The following SYN3 variants were observed in gnomAD, a reference collection of about 807,000 sequenced individuals.
SYN3 encodes the protein synapsin-3.
In SYN3, 35 loss-of-function variants were observed where a neutral mutation model predicts 65.8. That is an observed-to-expected ratio of 0.53 (90% CI 0.41 to 0.70). The LOEUF (loss-of-function observed/expected upper bound fraction) is 0.70, where lower values mean the gene tolerates loss of function less well. Among genes scored for constraint, SYN3 ranks in the 30% least tolerant of loss-of-function variants. SYN3 has a pLI of 0.00. For synonymous variants in SYN3, 270 were observed against 292.9 expected (o/e 0.92, Z 0.80); for missense variants, 680 against 749.0 (o/e 0.91, Z 1.08).
At chr22:32,610,645 CA>C (rs34560115) in intron 6 of SYN3, among the ~76,000 whole-genome samples, 47,688 of 151,970 alleles carry the variant, frequency 0.31, 7,703 homozygotes, top group South Asian at 0.39. Flanking sequence ...TGCAATCACG[CA>C]ATCTTGGCTC....
In SYN3 at chr22:32,721,211, G is replaced by C. The variant is rs376692704; in HGVS notation, c.712-124475C>G. Among the ~76,000 whole-genome samples, 10 of 152,218 alleles carry C rather than the reference G, an allele frequency of 6.6e-5. No homozygotes were observed. The East Asian group carries it at 7.7e-4, about 12-fold the overall frequency. On this transcript the variant is annotated intron_variant, in intron 6 of 13. Transcript: ENST00000358763. ...TTATCTCCTGGGTGGAGCTCCCGGT[G>C]GTGGGCAGGCAGCTGCTGCTGCCAC...
At chr22:32,716,169 T>C (rs1290298198) in intron 6 of SYN3, among the ~76,000 whole-genome samples, 1 of 152,200 alleles carries the variant, frequency 6.6e-6, no homozygotes, top group Admixed American at 6.5e-5. Context: ...GCGTTTTCCC[T>C]GAAGCAGTTG....
chr22:32,564,481 C>T (rs1474953684), intron 7 of SYN3, among the ~76,000 whole-genome samples: 1 of 152,202 alleles, frequency 6.6e-6, no homozygotes, highest in Non-Finnish European at 1.5e-5. Flanking sequence ...CAAGGTCACA[C>T]GGCTAGTAAA....
At chr22:32,766,283 C>A (rs1172544515) in intron 6 of SYN3, among the ~76,000 whole-genome samples, 2 of 152,192 alleles carry the variant, frequency 1.3e-5, no homozygotes, top group East Asian at 3.8e-4. Context: ...TCTTCTTCTA[C>A]TTCTCATGAT....
At chr22:32,513,868 CTA>C (rs1282367868) in intron 13 of SYN3, 44 bp from the exon 14 acceptor site, 1 of 1,610,890 alleles carries the variant, frequency 6.2e-7, no homozygotes, top group Non-Finnish European at 8.5e-7. Flanking sequence ...AAGGCGAAGA[CTA>C]TCAAAGAAAT....
chr22:32,955,979 A>G (rs949137740), intron 3 of SYN3, among the ~76,000 whole-genome samples: 1 of 150,646 alleles, frequency 6.6e-6, no homozygotes, highest in Non-Finnish European at 1.5e-5. Flanking sequence ...TGCTCTTCAG[A>G]TTGCAGATGG....
intron 2 of SYN3, among the ~76,000 whole-genome samples, chr22:32,995,786 C>A (rs966397755): frequency 1.4e-4 from 21 of 152,158 alleles, no homozygotes; most frequent in Admixed American, 1.2e-3. Context: ...CCTCAGCCTC[C>A]CAAGTAGCTG....
At chr22:33,022,339 G>A (rs1027874988) in intron 1 of SYN3, among the ~76,000 whole-genome samples, 9 of 152,184 alleles carry the variant, frequency 5.9e-5, no homozygotes, top group Non-Finnish European at 1.2e-4. Context: ...TGAGAACTCC[G>A]TAGACTGTGT....
chr22:32,859,072 C>A, intron 6 of SYN3: 2 of 1,039,134 alleles, frequency 1.9e-6, no homozygotes, highest in Non-Finnish European at 3.0e-6. Context: ...ACTGATGTGG[C>A]TAGGCTTCCC....
intron 4 of SYN3, among the ~76,000 whole-genome samples, chr22:32,909,709 G>C (rs985005837): frequency 2.9e-5 from 4 of 139,902 alleles, no homozygotes; most frequent in Non-Finnish European, 6.0e-5. Context: ...TGTTGGTTTA[G>C]CATTTCTCAA....
In SYN3 at chr22:32,742,784, C is replaced by T. The variant is rs180831104; in HGVS notation, c.711+122131G>A. On this transcript the variant is annotated intron_variant, in intron 6 of 13. Coordinates refer to ENST00000358763, the MANE Select transcript of SYN3 (RefSeq NM_003490.4). ...AACCAGAAGTCCACGTTATTAACAACTTTCCCCATTGTGCATAGTATGCTT... is the reference window on the plus strand; with the variant it reads ...AACCAGAAGTCCACGTTATTAACAATTTTCCCCATTGTGCATAGTATGCTT... Among the ~76,000 whole-genome samples the T allele has an allele frequency of 2.2e-3, 334 of 152,340 alleles. 1 individual carries two copies. Among genetic ancestry groups the T allele is most frequent in the Middle Eastern group, 6.8e-3 (2 of 294 alleles).
At chr22:32,733,999 T>C (rs2061304553) in intron 6 of SYN3, among the ~76,000 whole-genome samples, 1 of 152,050 alleles carries the variant, frequency 6.6e-6, no homozygotes, top group Admixed American at 6.5e-5. Flanking sequence ...GAGCCAAGAC[T>C]CTAAAGGAGA....
chr22:32,616,467 G>A (rs543274121), intron 6 of SYN3, among the ~76,000 whole-genome samples: 3 of 152,290 alleles, frequency 2.0e-5, no homozygotes, highest in East Asian at 1.9e-4. Context: ...TGTGGCAGTC[G>A]GGCCACAGTA....
At chr22:32,582,568 G>A (rs942633449) in intron 7 of SYN3, among the ~76,000 whole-genome samples, 20 of 151,872 alleles carry the variant, frequency 1.3e-4, no homozygotes, top group Non-Finnish European at 2.9e-4. Flanking sequence ...GGGGGTGGGG[G>A]TGGGTCTCAC....
chr22:33,047,842 T>C (rs1038081578), intron 1 of SYN3, among the ~76,000 whole-genome samples: 43 of 136,774 alleles, frequency 3.1e-4, no homozygotes, highest in Admixed American at 8.7e-4. Flanking sequence ...AGGTTAGACC[T>C]ATTAGTCCCA....
chr22:32,714,577 T>G (rs1303790142), intron 6 of SYN3, among the ~76,000 whole-genome samples: 1 of 152,162 alleles, frequency 6.6e-6, no homozygotes, highest in Non-Finnish European at 1.5e-5. Flanking sequence ...TTTTCTTTTT[T>G]TTTTTTCTTG....
intron 3 of SYN3, among the ~76,000 whole-genome samples, chr22:32,932,665 T>C (rs1376278567): frequency 2.0e-5 from 3 of 152,162 alleles, no homozygotes; most frequent in African/African-American, 4.8e-5. Flanking sequence ...TAAATGAGCT[T>C]TCATGGATTT....
chr22:32,942,685 C>A (rs979625448), intron 3 of SYN3, among the ~76,000 whole-genome samples: 1 of 152,098 alleles, frequency 6.6e-6, no homozygotes, highest in Non-Finnish European at 1.5e-5. Flanking sequence ...CGCAAAGAAG[C>A]TAAAACCTTG....
intron 6 of SYN3, among the ~76,000 whole-genome samples, chr22:32,702,040 G>A (rs541707097): frequency 3.1e-4 from 47 of 152,094 alleles, no homozygotes; most frequent in Non-Finnish European, 4.3e-4. Flanking sequence ...TCAATATTTT[G>A]GTAACACATA....
Sources: allele counts gnomAD v4.1 joint callset (sites outside exome capture counted in the v4.1 genomes callset), GRCh38; gene constraint gnomAD v4.1.1; transcripts MANE v1.5; gene names NCBI Gene and HGNC (gene_info 2026-07-23, HGNC 2026-07-21).